The following SLCO1B1 variants were observed in gnomAD, a reference collection of about 807,000 sequenced individuals.
SLCO1B1 encodes the protein solute carrier organic anion transporter family member 1B1, also known as OATP-2.
In SLCO1B1, 81 loss-of-function variants were observed where a neutral mutation model predicts 70.1. That is an observed-to-expected ratio of 1.16 (90% CI 0.97 to 1.39). The LOEUF (loss-of-function observed/expected upper bound fraction) is 1.39. Ranked by LOEUF, SLCO1B1 falls within the 40% of genes most tolerant of loss-of-function variation. The probability of loss-of-function intolerance (pLI) is 0.00; values close to 1 mark genes in which losing one functional copy is unlikely to be tolerated. For synonymous variants in SLCO1B1, 283 were observed against 271.5 expected (o/e 1.04, Z -0.42); for missense variants, 895 against 799.6 (o/e 1.12, Z -1.44).
rs4149102 is a variant in SLCO1B1, at chr12:21,222,372, GAAAA to G, written c.1747+31_1747+34del. On this transcript the variant is annotated intron_variant, in intron 13 of 14. Coordinates refer to ENST00000256958, the MANE Select transcript of SLCO1B1 (RefSeq NM_006446.5). ...TGGTTATACGAGCACTAGGTATGAT[GAAAA>G]AAAAAAAAAAAAAAAAAAAAAATAT... 31 of 24,944 alleles carry G rather than the reference GAAAA, an allele frequency of 1.2e-3. 1 individual carries two copies. The highest frequency in any genetic ancestry group is 7.4e-3 in the East Asian group (8 of 1,074). 1.5% of individuals were successfully genotyped at this position (24,944 alleles called of 1,614,324 possible).
chr12:21,222,589 C>A (rs1941442119), intron 13 of SLCO1B1, among the ~76,000 whole-genome samples: 1 of 150,672 alleles, frequency 6.6e-6, no homozygotes, highest in African/African-American at 2.4e-5. Context: ...AGTGATGGAC[C>A]TAAAGGAGAA....
At chr12:21,219,994 C>T (rs533275425) in intron 12 of SLCO1B1, among the ~76,000 whole-genome samples, 2 of 152,266 alleles carry the variant, frequency 1.3e-5, no homozygotes, top group East Asian at 3.9e-4. Context: ...CTCCTGACCT[C>T]AAGTGATCTG....
intron 5 of SLCO1B1, among the ~76,000 whole-genome samples, chr12:21,178,018 T>C (rs1344966653): frequency 6.6e-6 from 1 of 152,190 alleles, no homozygotes; most frequent in African/African-American, 2.4e-5. Flanking sequence ...GGTGATCTTC[T>C]GTGTGTAATG....
chr12:21,178,945 A>G lies in SLCO1B1; in HGVS notation c.652A>G (p.Ile218Val). 6.2e-7 allele frequency: 1 copy of G among 1,611,460 alleles called. No homozygotes were observed. ...YLGILNAIAM[I>V]GPIIGFTLGS... is the part of the protein sequence containing the mutation. ...AGGTATATTGAATGCAATAGCAATGATTGGTCCAATCATTGGCTTTACCCT... is the reference window on the plus strand; with the variant it reads ...AGGTATATTGAATGCAATAGCAATGGTTGGTCCAATCATTGGCTTTACCCT... The change falls in exon 7 of 15, where the codon ATT (isoleucine) becomes GTT (valine). Residue 218 changes from isoleucine (I) to valine (V), a missense_variant. Coordinates refer to ENST00000256958, the MANE Select transcript of SLCO1B1 (RefSeq NM_006446.5).
chr12:21,136,410 A>G (rs1192276360), intron 1 of SLCO1B1, among the ~76,000 whole-genome samples: 1 of 152,158 alleles, frequency 6.6e-6, no homozygotes, highest in Admixed American at 6.5e-5. Flanking sequence ...CTCCTGGATA[A>G]TATCCTGCAG....
intron 12 of SLCO1B1, among the ~76,000 whole-genome samples, chr12:21,219,738 G>A (rs749938716): frequency 1.1e-4 from 16 of 152,034 alleles, no homozygotes; most frequent in Non-Finnish European, 1.6e-4. Context: ...ATGAGTCTCA[G>A]TTGTTTTGCT....
At chr12:21,189,721 T>A (rs1185366203) in intron 7 of SLCO1B1, among the ~76,000 whole-genome samples, 3 of 152,198 alleles carry the variant, frequency 2.0e-5, no homozygotes, top group Non-Finnish European at 4.4e-5. Flanking sequence ...GTGCTGGGAT[T>A]ACAGGTTATC....
chr12:21,161,930 C>T (rs1247772004), intron 2 of SLCO1B1, among the ~76,000 whole-genome samples: 20 of 151,928 alleles, frequency 1.3e-4, no homozygotes, highest in Admixed American at 1.3e-3. Context: ...ATCTCTGGAA[C>T]CTGGGAGGCA....
At chr12:21,166,240 A>G (rs891949156) in intron 2 of SLCO1B1, among the ~76,000 whole-genome samples, 5 of 152,156 alleles carry the variant, frequency 3.3e-5, no homozygotes, top group African/African-American at 1.2e-4. Flanking sequence ...TTTGAGGCAC[A>G]TTATGATCAA....
rs573047137 is a variant in SLCO1B1 at position 21,180,926 on chromosome 12, A to G, written c.727+1906A>G. Among the ~76,000 whole-genome samples, 10 of 152,330 alleles carry G rather than the reference A, an allele frequency of 6.6e-5. No individual in the cohort carries two copies. The East Asian group carries it at 1.9e-3, about 29-fold the overall frequency. On this transcript the variant is annotated intron_variant, in intron 7 of 14. Transcript: ENST00000256958. ...ACATTGAATGTTCAGATATCATTAT[A>G]TCTTCTCTTATTCAGTGATGAGTAT... is the stretch of plus-strand genomic sequence containing the variant.
In SLCO1B1 at chr12:21,147,394, G is replaced by A. The variant is rs144510380; in HGVS notation, c.84+5736G>A. On this transcript the variant is annotated intron_variant, in intron 2 of 14. Coordinates refer to ENST00000256958, the MANE Select transcript of SLCO1B1 (RefSeq NM_006446.5). ...GGTGGTTTGCTGCACCCATCAACCC[G>A]TCATCTACATTAGGAATTTCTCCTA... Among the ~76,000 whole-genome samples, 113 of 152,142 alleles carry A rather than the reference G, an allele frequency of 7.4e-4. 1 individual carries two copies. The East Asian group carries it at 0.017, about 23-fold the overall frequency.
intron 2 of SLCO1B1, among the ~76,000 whole-genome samples, chr12:21,145,806 A>G (rs940936499): frequency 6.6e-6 from 1 of 152,106 alleles, no homozygotes; most frequent in Non-Finnish European, 1.5e-5. Flanking sequence ...TAAATATTAT[A>G]TTTTGTGAAA....
intron 2 of SLCO1B1, among the ~76,000 whole-genome samples, chr12:21,143,673 A>G (rs1216384335): frequency 1.3e-5 from 2 of 152,068 alleles, no homozygotes; most frequent in East Asian, 1.9e-4. Flanking sequence ...AACTCAGGCA[A>G]TCTGATTCCA....
chr12:21,132,149 C>G (rs920101013), intron 1 of SLCO1B1, among the ~76,000 whole-genome samples: 3 of 152,146 alleles, frequency 2.0e-5, no homozygotes, highest in Non-Finnish European at 4.4e-5. Context: ...ATCCATGTCC[C>G]TACAAAGGAC....
At chr12:21,132,072 T>A (rs1034149601) in intron 1 of SLCO1B1, among the ~76,000 whole-genome samples, 5 of 152,062 alleles carry the variant, frequency 3.3e-5, no homozygotes, top group African/African-American at 1.2e-4. Context: ...CACCTATGAG[T>A]GAGAACATGC....
intron 2 of SLCO1B1, among the ~76,000 whole-genome samples, chr12:21,146,247 A>G (rs1940381260): frequency 6.6e-6 from 1 of 152,064 alleles, no homozygotes; most frequent in Non-Finnish European, 1.5e-5. Flanking sequence ...TGTTGCTTAT[A>G]GTATTTCTTT....
intron 12 of SLCO1B1, among the ~76,000 whole-genome samples, 196 bp from the exon 13 acceptor site, chr12:21,222,103 TA>T (rs1318156050): frequency 6.6e-6 from 1 of 151,888 alleles, no homozygotes; most frequent in Non-Finnish European, 1.5e-5. Context: ...ATGCATTGAA[TA>T]AATAAGGGAA....
intron 14 of SLCO1B1, among the ~76,000 whole-genome samples, chr12:21,228,916 C>T (rs1591829245): frequency 6.6e-6 from 1 of 151,786 alleles, no homozygotes; most frequent in East Asian, 1.9e-4. Flanking sequence ...CTCTTTGGGA[C>T]TTACCACATT....
chr12:21,228,886 C>T (rs1426853302), intron 14 of SLCO1B1, among the ~76,000 whole-genome samples: 1 of 151,988 alleles, frequency 6.6e-6, no homozygotes. Context: ...ACCATTCCAA[C>T]CAGCTGGAAA....
Sources: allele counts gnomAD v4.1 joint callset (sites outside exome capture counted in the v4.1 genomes callset), GRCh38; gene constraint gnomAD v4.1.1; transcripts MANE v1.5; gene names NCBI Gene and HGNC (gene_info 2026-07-23, HGNC 2026-07-21).